ASCC1: variants seen among roughly 807,000 people sequenced by gnomAD.
The protein encoded by ASCC1 is activating signal cointegrator 1 complex subunit 1.
Under a neutral mutation model 46.6 loss-of-function variants are expected in ASCC1, and 35 were observed. That is an observed-to-expected ratio of 0.75 (90% CI 0.57 to 0.99). The LOEUF (loss-of-function observed/expected upper bound fraction) is 0.99, where lower values mean the gene tolerates loss of function less well. ASCC1 is among the 50% of genes least tolerant of loss of function. The pLI is 0.00. For missense variants in ASCC1, 376 were observed against 428.7 expected (o/e 0.88, Z 1.09); for synonymous variants, 143 against 146.6 (o/e 0.98, Z 0.18).
At chr10:72,189,403 A>G (rs192276966) in intron 5 of ASCC1, among the ~76,000 whole-genome samples, 10 of 151,936 alleles carry the variant, frequency 6.6e-5, no homozygotes, top group Admixed American at 6.6e-4. Context: ...GCAAGACTCC[A>G]TCTCAAAAAA....
intron 1 of ASCC1, among the ~76,000 whole-genome samples, chr10:72,213,895 A>G (rs1471614392): frequency 2.6e-5 from 4 of 151,838 alleles, no homozygotes; most frequent in African/African-American, 9.7e-5. Context: ...AAAATTAGCT[A>G]GGCATGGTGG....
intron 7 of ASCC1, among the ~76,000 whole-genome samples, chr10:72,145,683 G>A (rs558904684): frequency 6.6e-6 from 1 of 152,158 alleles, no homozygotes; most frequent in East Asian, 1.9e-4. Context: ...TTTTTCCCTT[G>A]CTCAGTCTTT....
intron 3 of ASCC1, among the ~76,000 whole-genome samples, chr10:72,205,040 T>C (rs1857006905): frequency 6.6e-6 from 1 of 152,246 alleles, no homozygotes; most frequent in Admixed American, 6.5e-5. Flanking sequence ...ACTGTAAGCC[T>C]ACTTCTTCAC....
chr10:72,163,490 T>C (rs1849958706), intron 5 of ASCC1, among the ~76,000 whole-genome samples: 1 of 152,062 alleles, frequency 6.6e-6, no homozygotes, highest in Non-Finnish European at 1.5e-5. Context: ...ATCCCAGCAC[T>C]TTGGGAGGCC....
intron 5 of ASCC1, chr10:72,190,297 T>A: frequency 1.2e-6 from 1 of 831,676 alleles, no homozygotes; most frequent in East Asian, 2.4e-5. Flanking sequence ...TGAATTTATA[T>A]TTAGATCTAT....
chr10:72,190,069 C>A, intron 5 of ASCC1: 3 of 758,672 alleles, frequency 4.0e-6, no homozygotes, highest in Admixed American at 1.7e-5. Context: ...CCCACCCCAC[C>A]CAGCCTGATA....
rs1027835422 is a variant in ASCC1, at chr10:72,190,478, G to A, written c.489+6333C>T. 32 of 1,598,898 alleles carry A rather than the reference G, an allele frequency of 2.0e-5. No homozygotes were observed. The African/African-American group carries it at 3.9e-4, about 19-fold the overall frequency. Reference sequence around the variant, plus strand: ...GACATCTGCAGGCCGAAAGAGCCGTGGCCTTGGAAAGGGCCATAAGTTCCA... The same window carrying A: ...GACATCTGCAGGCCGAAAGAGCCGTAGCCTTGGAAAGGGCCATAAGTTCCA... On this transcript the variant is annotated intron_variant, in intron 5 of 9. Coordinates refer to ENST00000672957, the MANE Select transcript of ASCC1 (RefSeq NM_001198800.3).
At chr10:72,128,225 G>T in intron 8 of ASCC1, 58 bp from the exon 9 acceptor site, 1 of 1,482,360 alleles carries the variant, frequency 6.7e-7, no homozygotes. Context: ...TTTTCTCTTG[G>T]ATTTCTATAG....
At chr10:72,203,385 C>G (rs545372255) in intron 4 of ASCC1, 42 bp downstream of exon 4, 1 of 1,431,172 alleles carries the variant, frequency 7.0e-7, no homozygotes, top group Admixed American at 1.7e-5. Context: ...CATAAACATG[C>G]AAAAGTGACT....
chr10:72,173,688 GA>G (rs1187944511), intron 5 of ASCC1, among the ~76,000 whole-genome samples: 1 of 152,090 alleles, frequency 6.6e-6, no homozygotes. Context: ...ATTTAATTTG[GA>G]ACCAAACAAC....
At chr10:72,108,078 T>TTC (rs1226050262) in intron 9 of ASCC1, among the ~76,000 whole-genome samples, 117 of 145,416 alleles carry the variant, frequency 8.0e-4, no homozygotes, top group African/African-American at 2.7e-3. Flanking sequence ...TTCTTTTTCT[T>TTC]TTTTTTTTTT....
rs751627055 is a variant in ASCC1 at position 72,210,775 on chromosome 10, G to T, written c.169C>A (p.Gln57Lys). Residue 57 changes from glutamine to lysine, a missense_variant, in exon 3 of 10, where the codon CAA becomes AAA. Gln to Lys is a moderately conservative substitution (Grantham distance 53). Coordinates refer to ENST00000672957, the MANE Select transcript of ASCC1 (RefSeq NM_001198800.3). ...CDAYEVEQTPQGFRSTLRAPS... is the reference protein window; with the variant it reads ...CDAYEVEQTPKGFRSTLRAPS... The stretch of plus-strand genomic sequence containing the variant: ...GCCCTCAAAGTAGACCGGAATCCTT[G>T]TGGGGTCTGCTCCACCTCGTAGGCA... 1.2e-6 allele frequency: 2 copies of T among 1,614,094 alleles called. No homozygotes were observed. Among genetic ancestry groups the T allele is most frequent in the South Asian group, 2.2e-5 (2 of 91,088 alleles).
intron 3 of ASCC1, among the ~76,000 whole-genome samples, chr10:72,208,716 T>C (rs1305936017): frequency 6.6e-6 from 1 of 152,010 alleles, no homozygotes; most frequent in Non-Finnish European, 1.5e-5. Flanking sequence ...GCCAAGATCA[T>C]GCCACTGCAC....
chr10:72,139,812 G>A (rs994556467), intron 7 of ASCC1, among the ~76,000 whole-genome samples: 7 of 152,144 alleles, frequency 4.6e-5, no homozygotes, highest in Admixed American at 6.5e-5. Context: ...CTTCCTGAGC[G>A]CTCACTGTGT....
chr10:72,112,634 C>T (rs1325788705), intron 9 of ASCC1, among the ~76,000 whole-genome samples: 5 of 152,094 alleles, frequency 3.3e-5, no homozygotes, highest in African/African-American at 9.7e-5. Context: ...GTAAGCACAT[C>T]ACTTTGGGAG....
intron 7 of ASCC1, among the ~76,000 whole-genome samples, chr10:72,142,287 C>CAG (rs1425772030): frequency 1.3e-5 from 2 of 151,710 alleles, no homozygotes; most frequent in South Asian, 2.1e-4. Flanking sequence ...TGAGATTAAC[C>CAG]AGTTTAGTCA....
chr10:72,151,500 C>T (rs1316982866), intron 7 of ASCC1, among the ~76,000 whole-genome samples: 1 of 151,918 alleles, frequency 6.6e-6, no homozygotes, highest in Non-Finnish European at 1.5e-5. Flanking sequence ...ATGTAAATGA[C>T]GAGTTAATGG....
chr10:72,131,343 T>C (rs142334443), intron 8 of ASCC1, among the ~76,000 whole-genome samples: 1,934 of 151,748 alleles, frequency 0.013, 32 homozygotes, highest in African/African-American at 0.044. Context: ...TGCTTCAACC[T>C]GGGGGGCGGA....
intron 9 of ASCC1, among the ~76,000 whole-genome samples, chr10:72,102,167 C>G (rs1423938746): frequency 6.6e-6 from 1 of 152,088 alleles, no homozygotes; most frequent in Admixed American, 6.5e-5. Flanking sequence ...ATAGAAACGC[C>G]TTGGTGACTT....
Sources: allele counts gnomAD v4.1 joint callset (sites outside exome capture counted in the v4.1 genomes callset), GRCh38; gene constraint gnomAD v4.1.1; transcripts MANE v1.5; gene names NCBI Gene and HGNC (gene_info 2026-07-23, HGNC 2026-07-21).